Variants in ROR1 observed in about 807,000 individuals in gnomAD.
ROR1 encodes the protein ROR family WNT receptor 1.
In ROR1, 19 loss-of-function variants were observed where a neutral mutation model predicts 78.8. The observed-to-expected ratio is 0.24, with a 90% CI of 0.17 to 0.35. ROR1 has a LOEUF of 0.35. Among genes scored for constraint, ROR1 ranks in the 10% least tolerant of loss-of-function variants. The probability of loss-of-function intolerance (pLI) is 1.00; values close to 1 mark genes in which losing one functional copy is unlikely to be tolerated. For missense variants in ROR1, 917 were observed against 1,177.8 expected (o/e 0.78, Z 3.24); for synonymous variants, 386 against 433.6 (o/e 0.89, Z 1.36).
At chr1:63,786,007 G>A (rs1447801954) in intron 1 of ROR1, among the ~76,000 whole-genome samples, 1 of 152,036 alleles carries the variant, frequency 6.6e-6, no homozygotes. Context: ...GCCTCCCAGG[G>A]GACACGTGAT....
At chr1:64,038,524 C>A (rs1482573590) in intron 2 of ROR1, among the ~76,000 whole-genome samples, 1 of 152,160 alleles carries the variant, frequency 6.6e-6, no homozygotes, top group Non-Finnish European at 1.5e-5. Flanking sequence ...GGCCGCATCA[C>A]CTCTTTTTAA....
intron 1 of ROR1, among the ~76,000 whole-genome samples, chr1:63,935,091 G>C (rs916695465): frequency 6.8e-6 from 1 of 147,354 alleles, no homozygotes; most frequent in African/African-American, 2.5e-5. Flanking sequence ...GTAGCCTGTT[G>C]GTTTTTTGTT....
rs147795564 is a variant in ROR1 at position 63,988,635 on chromosome 1, G to A, written c.92-20670G>A. ...TCTGACCCATTAAACACTAACTCTC[G>A]ATTCCACCCCACCCTGCCTCTGCCT... On this transcript the variant is annotated intron_variant, in intron 1 of 8. Coordinates refer to ENST00000371079, the MANE Select transcript of ROR1 (RefSeq NM_005012.4). Among the ~76,000 whole-genome samples, 18 of 152,100 alleles carry A rather than the reference G, an allele frequency of 1.2e-4. No individual in the cohort carries two copies. The East Asian group carries it at 2.7e-3, about 23-fold the overall frequency.
chr1:64,081,363 C>T (rs1444233125), intron 4 of ROR1, among the ~76,000 whole-genome samples: 2 of 152,068 alleles, frequency 1.3e-5, no homozygotes, highest in African/African-American at 2.4e-5. Context: ...TAATGTTAGA[C>T]ATATTGTGAA....
chr1:64,087,958 G>A (rs1157523664), intron 4 of ROR1, among the ~76,000 whole-genome samples: 1 of 152,202 alleles, frequency 6.6e-6, no homozygotes, highest in Non-Finnish European at 1.5e-5. Context: ...TGGGTGGCCT[G>A]TGGATGCTTG....
intron 1 of ROR1, among the ~76,000 whole-genome samples, chr1:63,981,098 C>T (rs1292602952): frequency 2.0e-5 from 3 of 152,070 alleles, no homozygotes; most frequent in African/African-American, 7.2e-5. Context: ...ATAACAACAA[C>T]GGTAGTAATA....
intron 1 of ROR1, among the ~76,000 whole-genome samples, chr1:63,883,592 T>C (rs2100378352): frequency 6.6e-6 from 1 of 152,288 alleles, no homozygotes; most frequent in South Asian, 2.1e-4. Context: ...GTGTTATGAC[T>C]GGGTGAAATG....
At chr1:63,928,413 C>T (rs902958509) in intron 1 of ROR1, among the ~76,000 whole-genome samples, 4 of 152,186 alleles carry the variant, frequency 2.6e-5, no homozygotes, top group Non-Finnish European at 4.4e-5. Context: ...AGAAGCATTA[C>T]TTTTATTAGC....
At chr1:64,128,555 A>ATCCCTCTTTGC (rs11267290) in intron 4 of ROR1, among the ~76,000 whole-genome samples, 100,381 of 151,574 alleles carry the variant, frequency 0.66, 33,982 homozygotes, top group East Asian at 0.97. Flanking sequence ...TTGCTAGAGG[A>ATCCCTCTTTGC]TGCCACCACA....
At chr1:64,122,671 G>C (rs1648582959) in intron 4 of ROR1, among the ~76,000 whole-genome samples, 1 of 152,174 alleles carries the variant, frequency 6.6e-6, no homozygotes, top group Non-Finnish European at 1.5e-5. Flanking sequence ...GGTGCTTAAA[G>C]AGCACATCTG....
intron 4 of ROR1, among the ~76,000 whole-genome samples, chr1:64,101,746 C>T (rs765983865): frequency 1.3e-4 from 20 of 152,018 alleles, no homozygotes; most frequent in East Asian, 7.7e-4. Context: ...GAGGCCTCTC[C>T]GATAAGGTGG....
intron 1 of ROR1, among the ~76,000 whole-genome samples, chr1:63,797,165 G>A (rs563373003): frequency 4.6e-4 from 70 of 152,282 alleles, no homozygotes; most frequent in African/African-American, 1.3e-3. Context: ...ACTAACACAT[G>A]CCGAGAACTT....
At chr1:63,799,344 C>T (rs1248140225) in intron 1 of ROR1, among the ~76,000 whole-genome samples, 1 of 152,198 alleles carries the variant, frequency 6.6e-6, no homozygotes, top group Non-Finnish European at 1.5e-5. Flanking sequence ...CCATAGCCTA[C>T]ATTGTCTGAC....
intron 1 of ROR1, among the ~76,000 whole-genome samples, chr1:63,930,366 A>G (rs546149428): frequency 6.6e-6 from 1 of 152,330 alleles, no homozygotes; most frequent in East Asian, 1.9e-4. Context: ...TAAATTATTC[A>G]CAAGTACAAG....
At chr1:63,914,799 T>G (rs1645596964) in intron 1 of ROR1, among the ~76,000 whole-genome samples, 1 of 152,090 alleles carries the variant, frequency 6.6e-6, no homozygotes, top group Non-Finnish European at 1.5e-5. Context: ...TCCACCCCCA[T>G]TTCTGCTTCA....
At chr1:64,159,597 G>A (rs1048440070) in intron 8 of ROR1, among the ~76,000 whole-genome samples, 1 of 152,046 alleles carries the variant, frequency 6.6e-6, no homozygotes, top group Non-Finnish European at 1.5e-5. Context: ...GAACCTTTTC[G>A]TTGCATAATA....
chr1:63,934,471 A>G (rs1014467081), intron 1 of ROR1, among the ~76,000 whole-genome samples: 25 of 152,182 alleles, frequency 1.6e-4, no homozygotes, highest in Non-Finnish European at 3.4e-4. Context: ...TAGTAAGCAT[A>G]TAACAAATAT....
At chr1:63,776,768 C>G (rs1432670190) in intron 1 of ROR1, among the ~76,000 whole-genome samples, 4 of 152,110 alleles carry the variant, frequency 2.6e-5, no homozygotes, top group Non-Finnish European at 2.9e-5. Flanking sequence ...GGGTCTGTCT[C>G]TCTTCTCTCA....
chr1:64,067,710 C>CTTTTATTTTTT (rs1646968770), intron 4 of ROR1, among the ~76,000 whole-genome samples: 1 of 105,698 alleles, frequency 9.5e-6, no homozygotes, highest in Non-Finnish European at 1.8e-5. Context: ...TAAATAAATT[C>CTTTTATTTTTT]TTTTTTTTTT....
Sources: gnomAD v4.1 joint callset for allele counts (sites outside exome capture counted in the v4.1 genomes callset) on GRCh38, gnomAD v4.1.1 for gene constraint, MANE v1.5 for transcripts, NCBI Gene and HGNC (gene_info 2026-07-23, HGNC 2026-07-21) for gene names.